Variants in COLEC10 observed in about 807,000 individuals in gnomAD.
COLEC10 encodes the protein collectin-10.
A neutral mutation model predicts 28.4 loss-of-function variants in COLEC10; 22 were observed. The observed-to-expected ratio is 0.78, with a 90% CI of 0.55 to 1.11. The LOEUF (loss-of-function observed/expected upper bound fraction) is 1.11, where lower values mean the gene tolerates loss of function less well. Among genes scored for constraint, COLEC10 ranks in the 50% least tolerant of loss-of-function variants. The pLI, the probability that COLEC10 is intolerant of heterozygous loss-of-function variation, is 0.00. For missense variants in COLEC10, 361 were observed against 344.1 expected, an observed-to-expected ratio of 1.05 and a Z score of -0.39; for synonymous variants, 125 against 116.1, an observed-to-expected ratio of 1.08 and a Z score of -0.49.
chr8:119,001,319 G>C (rs1294280287), intron 1 of COLEC10, among the ~76,000 whole-genome samples: 3 of 152,106 alleles, frequency 2.0e-5, no homozygotes, highest in Admixed American at 2.0e-4. Context: ...CAAGAAAATG[G>C]TGTTCTGAAG....
the COLEC10 span, among the ~76,000 whole-genome samples, chr8:118,972,147 A>G: frequency 6.6e-6 from 1 of 151,908 alleles, no homozygotes; most frequent in Non-Finnish European, 1.5e-5. Context: ...CTTGATGGTC[A>G]TATGTGCCTT....
intron 3 of COLEC10, among the ~76,000 whole-genome samples, chr8:119,095,333 G>A (rs997821104): frequency 2.0e-5 from 3 of 152,180 alleles, no homozygotes; most frequent in African/African-American, 7.2e-5. Context: ...ATGTTACTGG[G>A]TTGAGAGACT....
Position 119,067,331 on chromosome 8 carries a change from T to C in COLEC10, c.50T>C (p.Val17Ala), listed in dbSNP as rs1253283000. 42 of 1,613,964 alleles carry C rather than the reference T, an allele frequency of 2.6e-5. No individual in the cohort carries two copies. Among genetic ancestry groups the C allele is most frequent in the African/African-American group, 6.7e-5 (5 of 74,934 alleles). ...LLRRNQFILLVLFLLQIQSLG... is the reference protein window; with the variant it reads ...LLRRNQFILLALFLLQIQSLG... ...CGAAGAAACCAATTTATCCTCCTGG[T>C]ACTATTTCTTTTGCAAATTCAGAGT... The change falls in exon 1 of 6, where the codon GTA becomes GCA. Residue 17 changes from valine (V) to alanine (A), a missense_variant. Transcript: ENST00000332843.
intron 2 of COLEC10, among the ~76,000 whole-genome samples, chr8:119,030,648 T>G (rs1231098584): frequency 1.3e-5 from 2 of 152,196 alleles, no homozygotes; most frequent in Non-Finnish European, 2.9e-5. Context: ...CAGCAGTCAC[T>G]TCACTGACAT....
the COLEC10 span, among the ~76,000 whole-genome samples, chr8:118,952,799 C>T: frequency 6.6e-6 from 1 of 152,188 alleles, no homozygotes; most frequent in Non-Finnish European, 1.5e-5. Flanking sequence ...AGAAGTTTGG[C>T]ACTTTGCTCT....
At chr8:119,092,779 G>A (rs187830467) in intron 3 of COLEC10, among the ~76,000 whole-genome samples, 14 of 152,114 alleles carry the variant, frequency 9.2e-5, no homozygotes, top group African/African-American at 3.1e-4. Context: ...GGTGGTGCAC[G>A]CCTGTAATCC....
At chr8:119,032,622 C>A (rs1490812879) in intron 2 of COLEC10, among the ~76,000 whole-genome samples, 1 of 151,332 alleles carries the variant, frequency 6.6e-6, no homozygotes, top group Non-Finnish European at 1.5e-5. Context: ...AGGCCTTCTG[C>A]CCCGCGCGGT....
the COLEC10 span, among the ~76,000 whole-genome samples, chr8:118,981,101 G>C: frequency 6.6e-6 from 1 of 151,912 alleles, no homozygotes; most frequent in African/African-American, 2.4e-5. Context: ...TGTAAATCAG[G>C]TGGTTATAAC....
intron 2 of COLEC10, 97 bp from the exon 3 acceptor site, chr8:119,091,052 A>G: frequency 1.1e-6 from 1 of 910,942 alleles, no homozygotes; most frequent in Non-Finnish European, 1.8e-6. Flanking sequence ...GTAGAAGAAT[A>G]TACTTGTTGG....
the COLEC10 span, among the ~76,000 whole-genome samples, chr8:118,972,616 C>G: frequency 2.0e-5 from 3 of 151,986 alleles, no homozygotes; most frequent in Non-Finnish European, 2.9e-5. Flanking sequence ...CCCCAGTAAC[C>G]TGAGTTGCTC....
intron 1 of COLEC10, 145 bp from the exon 2 acceptor site, chr8:119,089,535 G>A: frequency 1.7e-6 from 1 of 592,180 alleles, no homozygotes; most frequent in Non-Finnish European, 3.0e-6. Context: ...AAGTGCATGT[G>A]AACATACATC....
chr8:119,091,579 G>GAA (rs1815598337), intron 3 of COLEC10, among the ~76,000 whole-genome samples: 1 of 83,718 alleles, frequency 1.2e-5, no homozygotes, highest in Non-Finnish European at 2.7e-5. Context: ...AAGAAAGAGA[G>GAA]AGAGAGAGAG....
chr8:119,035,012 AG>A (rs1179897356), intron 2 of COLEC10, among the ~76,000 whole-genome samples: 1 of 152,236 alleles, frequency 6.6e-6, no homozygotes, highest in African/African-American at 2.4e-5. Context: ...CAATACTAAT[AG>A]GGTAATATTC....
At chr8:119,028,298 G>A (rs1814230042) in intron 2 of COLEC10, among the ~76,000 whole-genome samples, 1 of 152,100 alleles carries the variant, frequency 6.6e-6, no homozygotes, top group African/African-American at 2.4e-5. Flanking sequence ...CAGACTTTTG[G>A]GAAAAGTGAA....
intron 2 of COLEC10, among the ~76,000 whole-genome samples, chr8:119,035,483 A>C (rs1198895759): frequency 6.6e-6 from 1 of 152,258 alleles, no homozygotes; most frequent in Non-Finnish European, 1.5e-5. Flanking sequence ...AAACCTTGGA[A>C]GGATGCCAAT....
intron 2 of COLEC10, among the ~76,000 whole-genome samples, 185 bp downstream of exon 2, chr8:119,089,936 C>CT (rs1815555847): frequency 6.6e-6 from 1 of 152,160 alleles, no homozygotes; most frequent in Non-Finnish European, 1.5e-5. Context: ...CAACAAGACT[C>CT]TCATATGTTT....
rs1236894360 is a variant in COLEC10 at position 119,069,651 on chromosome 8, T to A, written c.148+2222T>A. Among the ~76,000 whole-genome samples, 316 of 106,722 alleles carry A rather than the reference T, an allele frequency of 3.0e-3. 7 individuals are homozygous for A. Among genetic ancestry groups the A allele is most frequent in the Non-Finnish European group, 4.7e-3 (254 of 53,960 alleles). 70.0% of individuals were successfully genotyped at this position (106,722 alleles called of 152,430 possible). A position where few individuals can be genotyped will look rare whatever the true frequency, so the allele number is the denominator to read the frequency against. On this transcript the variant is annotated intron_variant, in intron 1 of 5. Transcript: ENST00000332843. Reference sequence around the variant, plus strand: ...AAAAATATATATATATATATATATATATATATATATGTAAACTGCCATCTA... The same window carrying A: ...AAAAATATATATATATATATATATAAATATATATATGTAAACTGCCATCTA...
intron 2 of COLEC10, among the ~76,000 whole-genome samples, chr8:119,021,698 T>G (rs1218264350): frequency 1.3e-5 from 2 of 152,156 alleles, no homozygotes; most frequent in Admixed American, 6.6e-5. Flanking sequence ...TCAATGTCTT[T>G]TTCTAGATCC....
At chr8:118,966,940 C>T in the COLEC10 span, among the ~76,000 whole-genome samples, 1 of 152,058 alleles carries the variant, frequency 6.6e-6, no homozygotes, top group Non-Finnish European at 1.5e-5. Flanking sequence ...AGTCTTTCCT[C>T]CTGGACTAGA....
Sources: allele counts gnomAD v4.1 joint callset (sites outside exome capture counted in the v4.1 genomes callset), GRCh38; gene constraint gnomAD v4.1.1; transcripts MANE v1.5; gene names NCBI Gene and HGNC (gene_info 2026-07-23, HGNC 2026-07-21).